Variants in P2RY14 observed in about 807,000 individuals in gnomAD.
The protein encoded by P2RY14 is purinergic receptor P2Y14.
Under a neutral mutation model 0.9 loss-of-function variants are expected in P2RY14, and 2 were observed. That is an observed-to-expected ratio of 2.16 (90% CI 0.88 to 6.79). The LOEUF (loss-of-function observed/expected upper bound fraction) is 6.79, where lower values mean the gene tolerates loss of function less well. Among genes scored for constraint, P2RY14 ranks in the 30% most tolerant of loss-of-function variants. The pLI, the probability that P2RY14 is intolerant of heterozygous loss-of-function variation, is 0.05. For missense variants in P2RY14, 378 were observed against 400.1 expected, an observed-to-expected ratio of 0.94 and a Z score of 0.47; for synonymous variants, 158 against 147.2, an observed-to-expected ratio of 1.07 and a Z score of -0.53.
chr3:151,237,659 G>A (rs973557513), intron 1 of P2RY14, among the ~76,000 whole-genome samples: 2 of 151,984 alleles, frequency 1.3e-5, no homozygotes, highest in African/African-American at 2.4e-5. Context: ...CCGCCAAACT[G>A]TTTTCCAAAG....
chr3:151,220,678 G>A (rs1055390736), intron 1 of P2RY14, among the ~76,000 whole-genome samples: 3 of 152,178 alleles, frequency 2.0e-5, no homozygotes, highest in Non-Finnish European at 4.4e-5. Flanking sequence ...CTGCTGCCAT[G>A]TGAGACATGC....
intron 2 of P2RY14, 53 bp from the exon 3 acceptor site, chr3:151,214,393 A>T: frequency 1.6e-6 from 2 of 1,237,026 alleles, no homozygotes; most frequent in South Asian, 1.4e-5. Flanking sequence ...CCTCCAAGAC[A>T]TTTGCTGAGT....
At chr3:151,215,732 C>T (rs1728083859) in intron 2 of P2RY14, among the ~76,000 whole-genome samples, 1 of 152,154 alleles carries the variant, frequency 6.6e-6, no homozygotes, top group Admixed American at 6.5e-5. Flanking sequence ...TGCTTAAAAC[C>T]CTTTAGTAGT....
intron 1 of P2RY14, among the ~76,000 whole-genome samples, chr3:151,235,072 T>C (rs768424963): frequency 1.1e-4 from 16 of 152,222 alleles, no homozygotes; most frequent in African/African-American, 3.6e-4. Context: ...ACTTAGTGCC[T>C]TTGGCAGGCA....
At chr3:151,274,762 A>T (rs960902191) in intron 1 of P2RY14, among the ~76,000 whole-genome samples, 2 of 152,170 alleles carry the variant, frequency 1.3e-5, no homozygotes, top group Non-Finnish European at 2.9e-5. Flanking sequence ...AATGACTATC[A>T]ATTCCTAGGA....
chr3:151,260,194 TAAAGA>T (rs1738596095), intron 1 of P2RY14, among the ~76,000 whole-genome samples: 1 of 152,118 alleles, frequency 6.6e-6, no homozygotes. Context: ...TGTTTAAAAA[TAAAGA>T]AAAGAGCCGC....
At chr3:151,257,004 T>A (rs535634476) in intron 1 of P2RY14, among the ~76,000 whole-genome samples, 3 of 152,328 alleles carry the variant, frequency 2.0e-5, no homozygotes, top group African/African-American at 7.2e-5. Flanking sequence ...TACTTAACCC[T>A]GTATTAGAAG....
intron 1 of P2RY14, among the ~76,000 whole-genome samples, chr3:151,277,381 C>T (rs948380939): frequency 2.6e-5 from 4 of 151,834 alleles, no homozygotes; most frequent in African/African-American, 7.3e-5. Flanking sequence ...TGGTATTTTC[C>T]GAGTGCATTG....
intron 1 of P2RY14, among the ~76,000 whole-genome samples, chr3:151,245,014 TCTAGAAGAA>T (rs201984208): frequency 0.44 from 66,472 of 150,634 alleles, 15,113 homozygotes; most frequent in Middle Eastern, 0.6. Flanking sequence ...AACTAGAAAA[TCTAGAAGAA>T]ATGGATAAAT....
chr3:151,245,759 G>A (rs1171152751), intron 1 of P2RY14, among the ~76,000 whole-genome samples: 1 of 124,348 alleles, frequency 8.0e-6, no homozygotes, highest in South Asian at 3.0e-4. Flanking sequence ...AGTGTTGGAA[G>A]TTCTGGCCAG....
chr3:151,274,541 C>A (rs1741532690), intron 1 of P2RY14, among the ~76,000 whole-genome samples: 1 of 152,200 alleles, frequency 6.6e-6, no homozygotes, highest in Non-Finnish European at 1.5e-5. Context: ...CCTCCTAGGA[C>A]ATTTAACTGA....
chr3:151,261,797 G>A (rs113995135), intron 1 of P2RY14, among the ~76,000 whole-genome samples: 2,134 of 152,080 alleles, frequency 0.014, 46 homozygotes, highest in African/African-American at 0.05. Flanking sequence ...TGATCTTGGC[G>A]CACTATAACC....
At chr3:151,224,458 T>G (rs1283461096) in intron 1 of P2RY14, among the ~76,000 whole-genome samples, 1 of 152,244 alleles carries the variant, frequency 6.6e-6, no homozygotes, top group Non-Finnish European at 1.5e-5. Context: ...TTTTTTTTTT[T>G]TGGTGTCAAT....
chr3:151,213,498 C>T lies in P2RY14; in HGVS notation c.819G>A (p.Leu273=), dbSNP rs1348235576. ...AHYSCQSKEI[L]RYMKEFTLLL... is the part of the protein sequence containing the mutation. ...GCAGAGTGAATTCTTTCATATACCGCAAGATTTCTTTTGACTGGCAGCTGT... is the reference window on the plus strand; with the variant it reads ...GCAGAGTGAATTCTTTCATATACCGTAAGATTTCTTTTGACTGGCAGCTGT... Residue 273 remains leucine (L), a synonymous_variant, in exon 3 of 3, where the codon TTG becomes TTA. Coordinates refer to ENST00000309170, the MANE Select transcript of P2RY14 (RefSeq NM_014879.4). 4 of 1,614,086 alleles carry T rather than the reference C, an allele frequency of 2.5e-6. No homozygotes were observed. In the African/African-American group the frequency reaches 4.0e-5, roughly 16 times the overall value.
At chr3:151,222,070 G>A (rs9881116) in intron 1 of P2RY14, among the ~76,000 whole-genome samples, 15,878 of 152,270 alleles carry the variant, frequency 0.1, 1,113 homozygotes, top group Middle Eastern at 0.17. Flanking sequence ...GGAAGTTTAC[G>A]ATTTGACTGT....
chr3:151,233,863 G>GT (rs1381102178), intron 1 of P2RY14, among the ~76,000 whole-genome samples: 4 of 152,330 alleles, frequency 2.6e-5, no homozygotes, highest in African/African-American at 9.6e-5. Flanking sequence ...TGAATTGTGT[G>GT]TTTTTTATTT....
rs538137794 is a variant in P2RY14, at chr3:151,222,942, A to G, written c.-132-3300T>C. On this transcript the variant is annotated intron_variant, in intron 1 of 2. Transcript: ENST00000309170. The stretch of plus-strand genomic sequence containing the variant: ...ATTTCATCATAATCTTCCCATCTTT[A>G]TGGTCTCTTGGAAATGTAAATTGGT... Among the ~76,000 whole-genome samples, 3 of 152,202 alleles carry G rather than the reference A, an allele frequency of 2.0e-5. No homozygotes were observed. In the East Asian group the frequency reaches 5.8e-4, roughly 29 times the overall value.
intron 1 of P2RY14, among the ~76,000 whole-genome samples, chr3:151,226,574 A>G (rs898239993): frequency 3.3e-5 from 5 of 152,084 alleles, no homozygotes; most frequent in Admixed American, 6.5e-5. Flanking sequence ...AGGCCCTTCA[A>G]CATTTTGCTG....
intron 1 of P2RY14, among the ~76,000 whole-genome samples, chr3:151,243,240 C>A (rs1383858083): frequency 3.3e-5 from 5 of 151,770 alleles, no homozygotes; most frequent in Non-Finnish European, 5.9e-5. Flanking sequence ...GGCAGGCCAA[C>A]GTTCAGATTC....
Sources: gnomAD v4.1 joint callset for allele counts (sites outside exome capture counted in the v4.1 genomes callset) on GRCh38, gnomAD v4.1.1 for gene constraint, MANE v1.5 for transcripts, NCBI Gene and HGNC (gene_info 2026-07-23, HGNC 2026-07-21) for gene names.